CCDC7: variants seen among roughly 807,000 people sequenced by gnomAD.
CCDC7 encodes coiled-coil domain containing 7, also known as coiled-coil domain-containing protein 7.
Under a neutral mutation model 196.9 loss-of-function variants are expected in CCDC7, and 183 were observed. The ratio of observed to expected loss-of-function variants is 0.93; its 90% confidence interval spans 0.82 to 1.05. The LOEUF is 1.05. Among genes scored for constraint, CCDC7 ranks in the 50% least tolerant of loss-of-function variants. The pLI, the probability that CCDC7 is intolerant of heterozygous loss-of-function variation, is 0.00. For missense variants in CCDC7, 1,540 were observed against 1,482.2 expected, an observed-to-expected ratio of 1.04 and a Z score of -0.64; for synonymous variants, 525 against 484.6, an observed-to-expected ratio of 1.08 and a Z score of -1.10.
At chr10:32,720,947 G>T (rs1483472911) in intron 25 of CCDC7, among the ~76,000 whole-genome samples, 1 of 152,070 alleles carries the variant, frequency 6.6e-6, no homozygotes, top group African/African-American at 2.4e-5. Context: ...GCAAAAATTA[G>T]CCATGCGTAG....
At chr10:32,569,278 G>A (rs2057270475) in intron 15 of CCDC7, among the ~76,000 whole-genome samples, 1 of 152,192 alleles carries the variant, frequency 6.6e-6, no homozygotes, top group Admixed American at 6.5e-5. Flanking sequence ...AGATTTTGAT[G>A]TAATAGAAGT....
intron 28 of CCDC7, 101 bp downstream of exon 29, chr10:32,729,558 T>A (rs999491581): frequency 2.0e-6 from 1 of 512,602 alleles, no homozygotes; most frequent in Non-Finnish European, 3.3e-6. Flanking sequence ...CTTCTTCTGC[T>A]AATTATTTCC....
intron 41 of CCDC7, among the ~76,000 whole-genome samples, chr10:32,867,593 A>T (rs1266431161): frequency 6.6e-6 from 1 of 151,624 alleles, no homozygotes; most frequent in Non-Finnish European, 1.5e-5. Flanking sequence ...TCTATGAAAC[A>T]AAAAAGGCAA....
intron 23 of CCDC7, among the ~76,000 whole-genome samples, chr10:32,694,309 G>T (rs187539209): frequency 1.3e-5 from 2 of 151,964 alleles, no homozygotes; most frequent in South Asian, 4.2e-4. Flanking sequence ...GAAGTGTTTT[G>T]GGTCTTTATT....
intron 32 of CCDC7, among the ~76,000 whole-genome samples, chr10:32,830,098 C>T (rs371665676): frequency 5.0e-4 from 26 of 51,502 alleles, no homozygotes; most frequent in African/African-American, 1.3e-3. Context: ...TATATATATC[C>T]TATTAGTTCT....
chr10:32,688,116 A>C (rs1267484473), intron 22 of CCDC7, among the ~76,000 whole-genome samples: 1 of 151,810 alleles, frequency 6.6e-6, no homozygotes, highest in African/African-American at 2.4e-5. Context: ...GGACACTTTT[A>C]GGGCACTCAG....
Position 32,668,175 on chromosome 10 carries a change from G to A in CCDC7, c.2122+4014G>A, listed in dbSNP as rs559673031. On this transcript the variant is annotated intron_variant, in intron 21 of 41. Coordinates refer to ENST00000639629, the Ensembl canonical transcript of CCDC7. ...TCATAATTTGGCTCTCTGTTTGTCT[G>A]TTATTGGTGTATAAGAATGCTTGTG... Among the ~76,000 whole-genome samples, 64 of 152,200 alleles carry A rather than the reference G, an allele frequency of 4.2e-4. No individual in the cohort carries two copies. In the South Asian group the frequency reaches 0.013, roughly 30 times the overall value.
intron 29 of CCDC7, among the ~76,000 whole-genome samples, chr10:32,801,557 C>A (rs1357900701): frequency 6.6e-6 from 1 of 152,148 alleles, no homozygotes; most frequent in Admixed American, 6.6e-5. Flanking sequence ...CAGATTTCTG[C>A]TTAAATAAAT....
chr10:32,447,994 A>G (rs903552349), upstream of CCDC7, among the ~76,000 whole-genome samples: 1 of 152,220 alleles, frequency 6.6e-6, no homozygotes, highest in Non-Finnish European at 1.5e-5. Context: ...AGTAATTTCC[A>G]AGAGAGCATT....
chr10:32,714,786 C>G (rs77892344), intron 25 of CCDC7, among the ~76,000 whole-genome samples: 2 of 152,114 alleles, frequency 1.3e-5, no homozygotes, highest in Admixed American at 6.5e-5. Context: ...CTGGGAAGTT[C>G]GAATTCGGTG....
At chr10:32,523,931 A>G (rs2048265977) in intron 11 of CCDC7, among the ~76,000 whole-genome samples, 1 of 151,290 alleles carries the variant, frequency 6.6e-6, no homozygotes, top group Admixed American at 6.6e-5. Flanking sequence ...TTTTTAATCC[A>G]TTCAGCCATC....
intron 28 of CCDC7, among the ~76,000 whole-genome samples, chr10:32,738,059 G>A (rs773810265): frequency 7.2e-5 from 11 of 152,080 alleles, no homozygotes; most frequent in Non-Finnish European, 1.5e-4. Flanking sequence ...AACCGTATTT[G>A]TAGCTATTTT....
intron 29 of CCDC7, among the ~76,000 whole-genome samples, chr10:32,787,265 C>A (rs888850153): frequency 1.4e-5 from 2 of 141,012 alleles, no homozygotes; most frequent in Non-Finnish European, 3.3e-5. Context: ...GTAATTCTGT[C>A]AAAAAATTCT....
chr10:32,512,517 C>T (rs1392991347), intron 9 of CCDC7: 1 of 152,086 alleles, frequency 6.6e-6, no homozygotes, highest in Non-Finnish European at 1.5e-5. Context: ...GCAAAGGCAT[C>T]CATGTGGTTA....
chr10:32,712,163 A>G (rs918219958), intron 25 of CCDC7, among the ~76,000 whole-genome samples: 1 of 152,168 alleles, frequency 6.6e-6, no homozygotes, highest in Non-Finnish European at 1.5e-5. Context: ...CCAGGGTATC[A>G]TGCTGGTCAA....
chr10:32,661,987 G>A (rs1255632829), intron 20 of CCDC7, among the ~76,000 whole-genome samples: 3 of 152,098 alleles, frequency 2.0e-5, no homozygotes, highest in African/African-American at 4.8e-5. Flanking sequence ...TTGAAGTTAA[G>A]TTCCAGGGAA....
At chr10:32,502,210 G>C (rs2044181437) in intron 9 of CCDC7, among the ~76,000 whole-genome samples, 1 of 152,144 alleles carries the variant, frequency 6.6e-6, no homozygotes, top group African/African-American at 2.4e-5. Context: ...AGAATTTCCT[G>C]GTCTGCCGGT....
intron 18 of CCDC7, among the ~76,000 whole-genome samples, chr10:32,632,177 C>T (rs1263594038): frequency 6.7e-6 from 1 of 148,894 alleles, no homozygotes; most frequent in Admixed American, 6.7e-5. Context: ...CTAGAAACTC[C>T]ATTGTAGTGT....
intron 32 of CCDC7, among the ~76,000 whole-genome samples, chr10:32,825,115 T>G (rs74963699): frequency 0.043 from 6,482 of 152,288 alleles, 180 homozygotes; most frequent in Middle Eastern, 0.068. Context: ...CTCCTTAATT[T>G]TTCGTGTTAT....
Sources: allele counts gnomAD v4.1 joint callset (sites outside exome capture counted in the v4.1 genomes callset), GRCh38; gene constraint gnomAD v4.1.1; transcripts MANE v1.5; gene names NCBI Gene and HGNC (gene_info 2026-07-23, HGNC 2026-07-21).